Variants in SLIT2 observed in about 807,000 individuals in gnomAD.
SLIT2 encodes the protein slit guidance ligand 2.
In SLIT2, 41 loss-of-function variants were observed where a neutral mutation model predicts 185.7. The observed-to-expected ratio is 0.22, with a 90% CI of 0.17 to 0.29. The LOEUF (loss-of-function observed/expected upper bound fraction) is 0.29, where lower values mean the gene tolerates loss of function less well. SLIT2 is among the 10% of genes least tolerant of loss of function. The probability of loss-of-function intolerance (pLI) is 1.00; values close to 1 mark genes in which losing one functional copy is unlikely to be tolerated. For missense variants in SLIT2, 1,571 were observed against 1,909.0 expected (o/e 0.82, Z 3.30); for synonymous variants, 693 against 680.2 (o/e 1.02, Z -0.29).
intron 4 of SLIT2, among the ~76,000 whole-genome samples, chr4:20,377,211 T>G (rs1724093477): frequency 6.6e-6 from 1 of 152,106 alleles, no homozygotes; most frequent in South Asian, 2.1e-4. Flanking sequence ...GTAATAAATG[T>G]CTAAATCATT....
chr4:20,595,077 G>C (rs1727864578), intron 30 of SLIT2, among the ~76,000 whole-genome samples: 1 of 152,132 alleles, frequency 6.6e-6, no homozygotes, highest in Admixed American at 6.5e-5. Context: ...CTGTCCGTGG[G>C]ATTGGCCCCG....
Position 20,528,492 on chromosome 4 carries a change from G to A in SLIT2, c.1463-457G>A. 1 of 379,502 alleles carries A rather than the reference G, an allele frequency of 2.6e-6. No homozygotes were observed. The highest frequency in any genetic ancestry group is 2.0e-5 in the South Asian group (1 of 49,178). 23.5% of individuals were successfully genotyped at this position (379,502 alleles called of 1,614,324 possible). ...CATCTCCGAGATTATGTGAGAGGGA[G>A]AGAATAGTAAAAAGTCCATAGAAAA... On this transcript the variant is annotated intron_variant, in intron 15 of 36. Coordinates refer to ENST00000504154, the MANE Select transcript of SLIT2 (RefSeq NM_004787.4). This position sits in a 1 kb window ranked among gnomAD's most constrained non-coding sequence, Gnocchi z 4.2.
At chr4:20,559,796 T>C (rs1160726481) in intron 26 of SLIT2, among the ~76,000 whole-genome samples, 1 of 152,032 alleles carries the variant, frequency 6.6e-6, no homozygotes, top group Admixed American at 6.6e-5. Context: ...CAAAGCTTAC[T>C]GCTTAAGTTT....
At chr4:20,551,472 G>C (rs1246382170) in intron 25 of SLIT2, among the ~76,000 whole-genome samples, 1 of 152,152 alleles carries the variant, frequency 6.6e-6, no homozygotes. Context: ...GTTTTTGGAA[G>C]TACAGTATAA....
chr4:20,472,251 TATAG>T lies in SLIT2; in HGVS notation c.467+4431_467+4434del, dbSNP rs200950985. On this transcript the variant is annotated intron_variant, in intron 5 of 36. Transcript: ENST00000504154. ...ATATATATAGATCTATATATCTATA[TATAG>T]ATCTATATATAGATATATATCTATA... Among the ~76,000 whole-genome samples, 128 of 38,048 alleles carry T rather than the reference TATAG, an allele frequency of 3.4e-3. 12 individuals are homozygous for T. Among genetic ancestry groups the T allele is most frequent in the Non-Finnish European group, 4.4e-3 (96 of 21,752 alleles). The allele number at this position is 38,048 out of a possible 152,430, so 25.0% of individuals were successfully genotyped here. A position where few individuals can be genotyped will look rare whatever the true frequency, so the allele number is the denominator to read the frequency against.
chr4:20,435,298 G>A (rs1729271657), intron 4 of SLIT2, among the ~76,000 whole-genome samples: 1 of 152,176 alleles, frequency 6.6e-6, no homozygotes, highest in Non-Finnish European at 1.5e-5. Flanking sequence ...AGCAGATATT[G>A]ATTGATCCCC....
At chr4:20,556,834 T>C (rs1417175705) in intron 26 of SLIT2, among the ~76,000 whole-genome samples, 3 of 152,062 alleles carry the variant, frequency 2.0e-5, no homozygotes, top group Admixed American at 6.6e-5. Context: ...AAGTTGTGAA[T>C]ACAAAGCAAA....
intron 4 of SLIT2, among the ~76,000 whole-genome samples, chr4:20,441,506 C>A (rs1021962089): frequency 7.3e-6 from 1 of 136,938 alleles, no homozygotes; most frequent in African/African-American, 2.8e-5. Context: ...CTCTCTCGCC[C>A]CCCCCCACTT....
chr4:20,374,426 G>T (rs531988618), intron 4 of SLIT2, among the ~76,000 whole-genome samples: 5 of 152,000 alleles, frequency 3.3e-5, no homozygotes, highest in African/African-American at 1.2e-4. Flanking sequence ...TTTGTGTTTG[G>T]ACTTTTTATC....
At chr4:20,539,420 A>G (rs1345075946) in intron 18 of SLIT2, 21 bp from the exon 19 acceptor site, 5 of 1,606,272 alleles carry the variant, frequency 3.1e-6, no homozygotes, top group Non-Finnish European at 4.2e-6. Flanking sequence ...CTCCATAACA[A>G]TGTCCTTTTT....
chr4:20,542,667 A>G (rs1433551258), intron 21 of SLIT2, 41 bp downstream of exon 21: 2 of 1,605,102 alleles, frequency 1.2e-6, no homozygotes, highest in East Asian at 2.2e-5. Context: ...TTTTTCCTTG[A>G]TGATAAATGT....
rs867905596 is a variant in SLIT2, at chr4:20,256,378, C to T, written c.180-294C>T. Among the ~76,000 whole-genome samples the T allele has an allele frequency of 2.0e-5, 3 of 151,962 alleles. No homozygotes were observed. The South Asian group carries it at 6.2e-4, about 32-fold the overall frequency. ...ATACCTGTGAAATTAATATACAATC[C>T]TTACAGAAACAAAAATGGAAAGGAC... On this transcript the variant is annotated intron_variant, in intron 1 of 36. Coordinates refer to ENST00000504154, the MANE Select transcript of SLIT2 (RefSeq NM_004787.4).
At position 20,535,366 on chromosome 4, in the gene SLIT2, C is replaced by A. The variant is rs141148375; in HGVS notation, c.1832+1651C>A. Among the ~76,000 whole-genome samples the A allele has an allele frequency of 8.6e-4, 130 of 151,862 alleles. 2 individuals carry two copies. In the East Asian group the frequency reaches 0.022, roughly 26 times the overall value. On this transcript the variant is annotated intron_variant, in intron 18 of 36. Coordinates refer to ENST00000504154, the MANE Select transcript of SLIT2 (RefSeq NM_004787.4). Reference sequence around the variant, plus strand: ...AAGAGGATAGAAAAGAGACCACAGGCGGCTGCATCTAACCTTTTCCAGAGT... The same window carrying A: ...AAGAGGATAGAAAAGAGACCACAGGAGGCTGCATCTAACCTTTTCCAGAGT...
chr4:20,389,575 C>G (rs1725252702), intron 4 of SLIT2, among the ~76,000 whole-genome samples: 1 of 150,606 alleles, frequency 6.6e-6, no homozygotes, highest in African/African-American at 2.4e-5. Flanking sequence ...TGTTTTGTGG[C>G]TACAGAATAA....
chr4:20,529,969 T>C (rs1237347841), intron 16 of SLIT2, among the ~76,000 whole-genome samples: 1 of 152,218 alleles, frequency 6.6e-6, no homozygotes, highest in Non-Finnish European at 1.5e-5. Context: ...GATTGTGTGT[T>C]ATTGTTTATC....
intron 29 of SLIT2, among the ~76,000 whole-genome samples, chr4:20,579,418 G>A (rs1469997490): frequency 6.6e-6 from 1 of 151,956 alleles, no homozygotes; most frequent in African/African-American, 2.4e-5. Flanking sequence ...TTTCGGAACT[G>A]TATAATATAG....
At chr4:20,461,516 A>G (rs1420524930) in intron 4 of SLIT2, among the ~76,000 whole-genome samples, 2 of 152,200 alleles carry the variant, frequency 1.3e-5, no homozygotes, top group Non-Finnish European at 2.9e-5. Context: ...TTCATGAGAA[A>G]TGTGACAAGA....
At chr4:20,564,622 C>G (rs1724943557) in intron 26 of SLIT2, among the ~76,000 whole-genome samples, 1 of 151,876 alleles carries the variant, frequency 6.6e-6, no homozygotes, top group Non-Finnish European at 1.5e-5. Flanking sequence ...TGATAGCTAA[C>G]TTTACCATTT....
chr4:20,308,322 A>G lies in SLIT2; in HGVS notation c.395+39441A>G, dbSNP rs150716519. 4.0e-3 allele frequency among the ~76,000 whole-genome samples: 606 copies of G among 152,346 alleles called. 4 individuals carry two copies. Among genetic ancestry groups the G allele is most frequent in the Non-Finnish European group, 5.5e-3 (371 of 68,034 alleles). On this transcript the variant is annotated intron_variant, in intron 4 of 36. Coordinates refer to ENST00000504154, the MANE Select transcript of SLIT2 (RefSeq NM_004787.4). ...GGAAAATGCCATCACCTCATTATGG[A>G]ATCTCTGGAGTGCTCCAAAGTGCCA... is the stretch of plus-strand genomic sequence containing the variant.
Sources: gnomAD v4.1 joint callset for allele counts (sites outside exome capture counted in the v4.1 genomes callset) on GRCh38, gnomAD v4.1.1 for gene constraint, Gnocchi (gnomAD v3.1) non-coding constraint, MANE v1.5 for transcripts, NCBI Gene and HGNC (gene_info 2026-07-23, HGNC 2026-07-21) for gene names.